Variants in BORA observed in about 807,000 individuals in gnomAD.
The protein encoded by BORA is protein aurora borealis.
BORA carries 26 observed loss-of-function variants against 55.8 expected under a neutral mutation model. That is an observed-to-expected ratio of 0.47 (90% confidence interval 0.34 to 0.65). The LOEUF (loss-of-function observed/expected upper bound fraction) is 0.65, where lower values mean the gene tolerates loss of function less well. Among genes scored for constraint, BORA ranks in the 30% least tolerant of loss-of-function variants. The pLI is 0.01. For missense variants in BORA, 568 were observed against 671.5 expected (o/e 0.85, Z 1.70); for synonymous variants, 201 against 216.9 (o/e 0.93, Z 0.64).
chr13:72,728,036 T>A, intron 1 of BORA, 29 bp downstream of exon 1: 1 of 1,550,520 alleles, frequency 6.4e-7, no homozygotes, highest in East Asian at 2.4e-5. Flanking sequence ...GTCCCTGGCC[T>A]TTCCTCCTGT....
At chr13:72,748,012 T>G (rs1367351479) in intron 10 of BORA, among the ~76,000 whole-genome samples, 2 of 152,190 alleles carry the variant, frequency 1.3e-5, no homozygotes, top group African/African-American at 4.8e-5. Flanking sequence ...TTTGTTCCAT[T>G]CATTGTTGTG....
chr13:72,747,541 G>GT (rs565367952), intron 10 of BORA, among the ~76,000 whole-genome samples: 1,583 of 148,400 alleles, frequency 0.011, 36 homozygotes, highest in African/African-American at 0.035. Flanking sequence ...TAGAGCACTG[G>GT]TTTTTTTTTT....
intron 11 of BORA, chr13:72,754,846 G>A: frequency 7.9e-6 from 2 of 251,704 alleles, no homozygotes; most frequent in South Asian, 6.6e-5. Flanking sequence ...CTCCTGAGTA[G>A]CTAGGGCTAC....
Position 72,744,573 on chromosome 13 carries a change from A to G in BORA, c.511+12A>G. The G allele has an allele frequency of 6.3e-7, 1 of 1,576,682 alleles. No homozygotes were observed. Among genetic ancestry groups the G allele is most frequent in the South Asian group, 1.1e-5 (1 of 88,598 alleles). On this transcript the variant is annotated intron_variant, in intron 7 of 11. Coordinates refer to ENST00000390667, the MANE Select transcript of BORA (RefSeq NM_024808.5). ...AGAAAATATATTAGGTAAATACTGT[A>G]TTTGTTTAAACTTTTAATAACTTGA...
At chr13:72,728,086 T>G (rs1459079225) in intron 1 of BORA, 79 bp downstream of exon 1, 34 of 1,534,524 alleles carry the variant, frequency 2.2e-5, no homozygotes, top group Non-Finnish European at 2.7e-5. Flanking sequence ...CTGACTTGCC[T>G]GCCCGCTCGC....
intron 3 of BORA, among the ~76,000 whole-genome samples, chr13:72,734,257 C>T (rs1009798602): frequency 4.6e-5 from 7 of 152,012 alleles, no homozygotes; most frequent in African/African-American, 1.2e-4. Context: ...TATGTCTTAC[C>T]AATTTACTGA....
intron 5 of BORA, among the ~76,000 whole-genome samples, chr13:72,740,204 T>C (rs1255467871): frequency 6.6e-6 from 1 of 152,200 alleles, no homozygotes; most frequent in East Asian, 1.9e-4. Flanking sequence ...AAGAATTCAC[T>C]GCACTGGACT....
chr13:72,731,170 C>A, intron 2 of BORA, 111 bp from the exon 3 acceptor site: 1 of 667,644 alleles, frequency 1.5e-6, no homozygotes, highest in Non-Finnish European at 2.5e-6. Flanking sequence ...AAAATACAAG[C>A]TTTAAAATAT....
Position 72,731,166 on chromosome 13 carries a change from C to T in BORA, c.154-115C>T, listed in dbSNP as rs1224837963. On this transcript the variant is annotated intron_variant, in intron 2 of 11. Transcript: ENST00000390667. ...CATGGTAAAGTCAAATTTTAAAATA[C>T]AAGCTTTAAAATATTTTCATATTAT... 5.0e-5 allele frequency: 33 copies of T among 656,680 alleles called. No individual in the cohort carries two copies. The East Asian group carries it at 9.2e-4, about 18-fold the overall frequency. 40.7% of individuals were successfully genotyped at this position (656,680 alleles called of 1,614,324 possible).
At position 72,746,785 on chromosome 13, in the gene BORA, C is replaced by T. The variant is rs779914917; in HGVS notation, c.1156C>T (p.Arg386Trp). The T allele has an allele frequency of 3.1e-5, 50 of 1,614,130 alleles. No individual in the cohort carries two copies. Among genetic ancestry groups the T allele is most frequent in the African/African-American group, 8.0e-5 (6 of 75,042 alleles). ...PAMDAAGIHLRQFSNEASTHG... is the reference protein window; with the variant it reads ...PAMDAAGIHLWQFSNEASTHG... ...CATGGATGCTGCTGGAATACACCTACGGCAGTTTAGTAATGAGGCTTCTAC... is the reference window on the plus strand; with the variant it reads ...CATGGATGCTGCTGGAATACACCTATGGCAGTTTAGTAATGAGGCTTCTAC... The change falls in exon 10 of 12, where the codon CGG becomes TGG. Residue 386 changes from arginine to tryptophan, a missense_variant. Coordinates refer to ENST00000390667, the MANE Select transcript of BORA (RefSeq NM_024808.5).
intron 10 of BORA, among the ~76,000 whole-genome samples, chr13:72,749,030 C>A (rs144465513): frequency 1.3e-5 from 2 of 152,270 alleles, no homozygotes; most frequent in African/African-American, 4.8e-5. Flanking sequence ...TGGGCCATAA[C>A]ATCATAATGT....
rs186865731 is a variant in BORA, at chr13:72,755,034, T to C, written c.1615-117T>C. The C allele has an allele frequency of 2.0e-5, 15 of 759,614 alleles. No individual in the cohort carries two copies. The Admixed American group carries it at 2.3e-4, about 12-fold the overall frequency. 47.1% of individuals were successfully genotyped at this position (759,614 alleles called of 1,614,324 possible). A position where few individuals can be genotyped will look rare whatever the true frequency, so the allele number is the denominator to read the frequency against. On this transcript the variant is annotated intron_variant, in intron 11 of 11. Coordinates refer to ENST00000390667, the MANE Select transcript of BORA (RefSeq NM_024808.5). ...TTTATAAAATACTGTATCTTTACTGTCCCTTCAGAGTTCAGCTAAAGAAAC... is the reference window on the plus strand; with the variant it reads ...TTTATAAAATACTGTATCTTTACTGCCCCTTCAGAGTTCAGCTAAAGAAAC...
intron 4 of BORA, among the ~76,000 whole-genome samples, chr13:72,737,648 T>C (rs2032955056): frequency 6.6e-6 from 1 of 152,108 alleles, no homozygotes; most frequent in Admixed American, 6.5e-5. Flanking sequence ...ATATATTCCT[T>C]CCCTTTTCAT....
chr13:72,739,798 A>G (rs2033000523), intron 5 of BORA, among the ~76,000 whole-genome samples: 1 of 152,204 alleles, frequency 6.6e-6, no homozygotes, highest in Non-Finnish European at 1.5e-5. Flanking sequence ...ATTACTTACA[A>G]GTCCTAGGGG....
In BORA at chr13:72,755,935, GAGAATA is replaced by G. The variant is rs2033453476; in HGVS notation, c.*725_*730del. 2 of 398,638 alleles carry G rather than the reference GAGAATA, an allele frequency of 5.0e-6. No homozygotes were observed. Among genetic ancestry groups the G allele is most frequent in the East Asian group, 7.1e-5 (2 of 28,076 alleles). The allele number at this position is 398,638 out of a possible 1,614,324, so 24.7% of individuals were successfully genotyped here. A position where few individuals can be genotyped will look rare whatever the true frequency, so the allele number is the denominator to read the frequency against. ...AGCTCAAACGTGGGTAGGGATGTGG[GAGAATA>G]AGAATGTGGGAGAACCAAGAGAAAA... On this transcript the variant is annotated 3_prime_UTR_variant, in exon 12 of 12. Transcript: ENST00000390667.
chr13:72,752,459 G>C (rs550600912), intron 10 of BORA: 3 of 152,108 alleles, frequency 2.0e-5, no homozygotes, highest in Non-Finnish European at 2.9e-5. Context: ...CAAACTCCCC[G>C]CATGCCTTAC....
At position 72,746,752 on chromosome 13, in the gene BORA, T is replaced by G; in HGVS notation, c.1123T>G (p.Ser375Ala). The G allele has an allele frequency of 6.2e-7, 1 of 1,614,144 alleles. No homozygotes were observed. The highest frequency in any genetic ancestry group is 8.5e-7 in the Non-Finnish European group (1 of 1,180,016). ...KENIPSTDVS[S>A]PAMDAAGIHL... Reference sequence around the variant, plus strand: ...GAATATTCCTTCCACAGATGTCTCATCACCCGCCATGGATGCTGCTGGAAT... The same window carrying G: ...GAATATTCCTTCCACAGATGTCTCAGCACCCGCCATGGATGCTGCTGGAAT... Residue 375 changes from serine to alanine, a missense_variant, in exon 10 of 12, where the codon TCA becomes GCA. Coordinates refer to ENST00000390667, the MANE Select transcript of BORA (RefSeq NM_024808.5).
intron 8 of BORA, 64 bp from the exon 9 acceptor site, chr13:72,745,880 C>T: frequency 7.2e-7 from 1 of 1,382,492 alleles, no homozygotes; most frequent in Non-Finnish European, 9.8e-7. Context: ...TGATAAATAG[C>T]ATGCAGCATA....
chr13:72,739,781 A>G (rs1193517375), intron 5 of BORA, among the ~76,000 whole-genome samples: 1 of 152,150 alleles, frequency 6.6e-6, no homozygotes, highest in Non-Finnish European at 1.5e-5. Flanking sequence ...ATGGAAATAA[A>G]AATTTTATTA....
Sources: gnomAD v4.1 joint callset for allele counts (sites outside exome capture counted in the v4.1 genomes callset) on GRCh38, gnomAD v4.1.1 for gene constraint, MANE v1.5 for transcripts, NCBI Gene and HGNC (gene_info 2026-07-23, HGNC 2026-07-21) for gene names.